The following CCDC141 variants were observed in gnomAD, a reference collection of about 807,000 sequenced individuals.
CCDC141 encodes coiled-coil domain containing 141.
Under a neutral mutation model 181.0 loss-of-function variants are expected in CCDC141, and 168 were observed. The observed-to-expected ratio is 0.93, with a 90% CI of 0.82 to 1.05. CCDC141 has a LOEUF of 1.05. Among genes scored for constraint, CCDC141 ranks in the 50% least tolerant of loss-of-function variants. CCDC141 has a pLI of 0.00. For synonymous variants in CCDC141, 666 were observed against 642.3 expected, an observed-to-expected ratio of 1.04 and a Z score of -0.56; for missense variants, 1,902 against 1,788.5, an observed-to-expected ratio of 1.06 and a Z score of -1.14.
At chr2:178,923,594 T>A (rs1282202294) in intron 6 of CCDC141, among the ~76,000 whole-genome samples, 1 of 151,948 alleles carries the variant, frequency 6.6e-6, no homozygotes, top group Admixed American at 6.5e-5. Context: ...CACTTTGCAA[T>A]AAAATATTTC....
At chr2:178,898,166 T>C (rs1378610589) in intron 8 of CCDC141, among the ~76,000 whole-genome samples, 2 of 152,230 alleles carry the variant, frequency 1.3e-5, no homozygotes, top group Non-Finnish European at 2.9e-5. Flanking sequence ...TTAATGTATG[T>C]TTCATAAGAC....
chr2:178,824,071 C>A, the CCDC141 span, among the ~76,000 whole-genome samples: 1 of 147,430 alleles, frequency 6.8e-6, no homozygotes, highest in African/African-American at 2.7e-5. Flanking sequence ...AACACACACA[C>A]ACACACACAC....
chr2:179,031,237 C>G (rs1322348066), intron 2 of CCDC141, among the ~76,000 whole-genome samples: 1 of 150,150 alleles, frequency 6.7e-6, no homozygotes, highest in Non-Finnish European at 1.5e-5. Context: ...GTTTTCGTAG[C>G]TTATGATTTT....
At chr2:178,905,248 CA>C (rs1687908909) in intron 8 of CCDC141, 80 bp downstream of exon 8, 2 of 1,262,136 alleles carry the variant, frequency 1.6e-6, no homozygotes, top group African/African-American at 1.5e-5. Flanking sequence ...CAGAAAAAGA[CA>C]ATCATGCATC....
intron 8 of CCDC141, among the ~76,000 whole-genome samples, chr2:178,897,496 A>G (rs1375314121): frequency 6.6e-6 from 1 of 152,230 alleles, no homozygotes; most frequent in African/African-American, 2.4e-5. Context: ...GAAGATCTAC[A>G]TTAAGAAGGC....
chr2:178,894,052 C>A (rs1401176674), intron 8 of CCDC141, among the ~76,000 whole-genome samples: 1 of 152,124 alleles, frequency 6.6e-6, no homozygotes, highest in African/African-American at 2.4e-5. Flanking sequence ...AGCTGAAATT[C>A]TCTGCCCTCA....
chr2:178,855,720 G>A (rs1685355772), intron 18 of CCDC141, among the ~76,000 whole-genome samples, 179 bp from the exon 19 acceptor site: 1 of 152,104 alleles, frequency 6.6e-6, no homozygotes, highest in African/African-American at 2.4e-5. Flanking sequence ...TATTGATTTA[G>A]CATTCAGCAA....
rs1684229163 is a variant in CCDC141, at chr2:178,831,060, G to A, written c.*3113C>T. The A allele has an allele frequency of 1.3e-5, 2 of 152,240 alleles. No homozygotes were observed. The highest frequency in any genetic ancestry group is 4.1e-4 in the South Asian group (2 of 4,820). 9.4% of individuals were successfully genotyped at this position (152,240 alleles called of 1,614,324 possible). Reference sequence around the variant, plus strand: ...AGGGTCTTGTAGTCATCTATTTTAAGTATGTGTCTTGATTATGAGTGATAG... The same window carrying A: ...AGGGTCTTGTAGTCATCTATTTTAAATATGTGTCTTGATTATGAGTGATAG... On this transcript the variant is annotated 3_prime_UTR_variant, in exon 24 of 24. Coordinates refer to ENST00000443758, the MANE Select transcript of CCDC141 (RefSeq NM_173648.4).
downstream of CCDC141, among the ~76,000 whole-genome samples, chr2:178,824,800 G>C (rs1234966420): frequency 6.6e-6 from 1 of 151,972 alleles, no homozygotes; most frequent in Non-Finnish European, 1.5e-5. Context: ...ACAATGTATT[G>C]ACATAGGTTT....
chr2:178,879,890 G>A (rs558641413), intron 11 of CCDC141, among the ~76,000 whole-genome samples: 2 of 152,248 alleles, frequency 1.3e-5, no homozygotes, highest in South Asian at 2.1e-4. Context: ...CATGATCTTA[G>A]TGTGAGTGAA....
intron 2 of CCDC141, among the ~76,000 whole-genome samples, chr2:178,983,904 C>G (rs1691572966): frequency 6.7e-6 from 1 of 150,288 alleles, no homozygotes; most frequent in Admixed American, 6.6e-5. Flanking sequence ...GGATATTATC[C>G]AGGAGAATTT....
chr2:179,024,720 T>A (rs1243350675), intron 2 of CCDC141, among the ~76,000 whole-genome samples: 1 of 152,212 alleles, frequency 6.6e-6, no homozygotes, highest in Non-Finnish European at 1.5e-5. Flanking sequence ...AATACTTCTG[T>A]GTTAGAATTT....
At chr2:178,872,349 C>G (rs984072013) in intron 12 of CCDC141, 37 bp from the exon 13 acceptor site, 13 of 1,544,176 alleles carry the variant, frequency 8.4e-6, no homozygotes, top group Non-Finnish European at 1.1e-5. Context: ...GCTTTTCTTT[C>G]CCAAGAGATA....
chr2:178,884,106 G>C (rs997199083), intron 11 of CCDC141, among the ~76,000 whole-genome samples: 11 of 152,114 alleles, frequency 7.2e-5, no homozygotes, highest in African/African-American at 1.4e-4. Context: ...GTAGGACGTA[G>C]TAAAAATTAT....
intron 22 of CCDC141, among the ~76,000 whole-genome samples, chr2:178,841,272 C>A (rs747636957): frequency 6.6e-6 from 1 of 152,170 alleles, no homozygotes; most frequent in African/African-American, 2.4e-5. Flanking sequence ...CTTGGCCAAA[C>A]CCTCATTCAG....
intron 8 of CCDC141, among the ~76,000 whole-genome samples, chr2:178,903,416 A>C (rs1352909149): frequency 2.6e-5 from 4 of 152,182 alleles, no homozygotes; most frequent in Non-Finnish European, 5.9e-5. Flanking sequence ...ACCATGGAAT[A>C]CTATGCAGTC....
chr2:178,879,621 G>A (rs1686504126), intron 11 of CCDC141, among the ~76,000 whole-genome samples: 1 of 152,112 alleles, frequency 6.6e-6, no homozygotes, highest in African/African-American at 2.4e-5. Context: ...AATAGCTCTA[G>A]GAGAAAGAGA....
At chr2:178,953,173 A>C (rs1690025507) in intron 5 of CCDC141, among the ~76,000 whole-genome samples, 1 of 152,190 alleles carries the variant, frequency 6.6e-6, no homozygotes, top group Non-Finnish European at 1.5e-5. Context: ...GTGGTGGCTC[A>C]CGCCTATAAT....
At chr2:178,864,238 G>C (rs114401294) in intron 17 of CCDC141, among the ~76,000 whole-genome samples, 1 of 152,150 alleles carries the variant, frequency 6.6e-6, no homozygotes, top group African/African-American at 2.4e-5. Flanking sequence ...GGGAAGAAAG[G>C]GGGAGGGGAG....
Sources: allele counts gnomAD v4.1 joint callset (sites outside exome capture counted in the v4.1 genomes callset), GRCh38; gene constraint gnomAD v4.1.1; transcripts MANE v1.5; gene names NCBI Gene and HGNC (gene_info 2026-07-23, HGNC 2026-07-21).